The following VPS53 variants were observed in gnomAD, a reference collection of about 807,000 sequenced individuals.
VPS53 encodes VPS53 subunit of GARP complex, also known as vacuolar protein sorting-associated protein 53 homolog.
In VPS53, 70 loss-of-function variants were observed where a neutral mutation model predicts 107.0. That is an observed-to-expected ratio of 0.65 (90% CI 0.54 to 0.80). VPS53 has a LOEUF of 0.80. VPS53 is among the 30% of genes least tolerant of loss of function. The pLI is 0.00. For missense variants in VPS53, 917 were observed against 1,049.4 expected, an observed-to-expected ratio of 0.87 and a Z score of 1.74; for synonymous variants, 409 against 393.3, an observed-to-expected ratio of 1.04 and a Z score of -0.47.
chr17:669,449 T>A (rs566508371), intron 4 of VPS53, among the ~76,000 whole-genome samples: 1 of 152,082 alleles, frequency 6.6e-6, no homozygotes, highest in South Asian at 2.1e-4. Context: ...AAAAATTAGC[T>A]GTGTGTGCTA....
Position 524,578 on chromosome 17 carries a change from G to A in VPS53, c.2086-2840C>T, listed in dbSNP as rs1200126607. On this transcript the variant is annotated intron_variant, in intron 19 of 21. Transcript: ENST00000437048. The surrounding 1 kb of genome is among the most constrained non-coding windows in gnomAD (Gnocchi z 4.5). Reference sequence around the variant, plus strand: ...ACAACAGGCAAACAATACTAACACCGGATTCACAAAAGAGGAAACTCAAAT... The same window carrying A: ...ACAACAGGCAAACAATACTAACACCAGATTCACAAAAGAGGAAACTCAAAT... Among the ~76,000 whole-genome samples the A allele has an allele frequency of 1.3e-5, 2 of 152,104 alleles. No individual in the cohort carries two copies. Among genetic ancestry groups the A allele is most frequent in the African/African-American group, 2.4e-5 (1 of 41,410 alleles).
chr17:657,061 G>T, intron 5 of VPS53: 4 of 915,216 alleles, frequency 4.4e-6, no homozygotes, highest in Non-Finnish European at 7.4e-6. Context: ...TGCCAGTGTC[G>T]AACGTGATGA....
At position 514,640 on chromosome 17, in the gene VPS53, C is replaced by G. The variant is rs955280018; in HGVS notation, c.*4488G>C. The stretch of plus-strand genomic sequence containing the variant: ...TGCAGCATTTCCCCTGGCATTCTTT[C>G]AACAGGGAACCAGGTCTCCTCATCC... On this transcript the variant is annotated 3_prime_UTR_variant, in exon 22 of 22. Coordinates refer to ENST00000437048, the MANE Select transcript of VPS53 (RefSeq NM_001128159.3). 6.6e-6 allele frequency: 1 copy of G among 152,540 alleles called. No individual in the cohort carries two copies. The highest frequency in any genetic ancestry group is 6.5e-5 in the Admixed American group (1 of 15,290). The allele number at this position is 152,540 out of a possible 1,614,324, so 9.4% of individuals were successfully genotyped here. A position where few individuals can be genotyped will look rare whatever the true frequency, so the allele number is the denominator to read the frequency against.
intron 19 of VPS53, among the ~76,000 whole-genome samples, chr17:530,500 A>T (rs529771183): frequency 7.9e-5 from 12 of 152,266 alleles, no homozygotes; most frequent in African/African-American, 2.4e-4. Context: ...TTTTAGATTT[A>T]TTACTCATAA....
Position 669,772 on chromosome 17 carries a change from A to G in VPS53, c.286-7877T>C, listed in dbSNP as rs554823850. On this transcript the variant is annotated intron_variant, in intron 4 of 21. Coordinates refer to ENST00000437048, the MANE Select transcript of VPS53 (RefSeq NM_001128159.3). The stretch of plus-strand genomic sequence containing the variant: ...CTGGGTGTGGTGGCGCATGCCTGTA[A>G]TCCCAGCTACTCGGGAGGCTGAGGC... Among the ~76,000 whole-genome samples, 23 of 146,956 alleles carry G rather than the reference A, an allele frequency of 1.6e-4. No individual in the cohort carries two copies. The South Asian group carries it at 4.2e-3, about 27-fold the overall frequency.
At chr17:657,566 A>G in intron 5 of VPS53, 1 of 977,970 alleles carries the variant, frequency 1.0e-6, no homozygotes, top group South Asian at 1.3e-5. Context: ...TAGGCAAGGA[A>G]AAGAGGACCT....
intron 7 of VPS53, among the ~76,000 whole-genome samples, chr17:648,086 G>C (rs550981467): frequency 6.6e-6 from 1 of 152,330 alleles, no homozygotes; most frequent in East Asian, 1.9e-4. Context: ...TCCAAGCCTA[G>C]GAGATCAGCT....
At chr17:682,125 A>C (rs753832013) in intron 4 of VPS53, among the ~76,000 whole-genome samples, 9 of 152,220 alleles carry the variant, frequency 5.9e-5, no homozygotes, top group African/African-American at 2.2e-4. Context: ...ATAGAACAGA[A>C]CACTTTAAAC....
intron 7 of VPS53, 23 bp downstream of exon 7, chr17:653,268 C>A (rs200215211): frequency 1.9e-5 from 30 of 1,611,914 alleles, no homozygotes; most frequent in Non-Finnish European, 3.4e-6. Flanking sequence ...TCCCCATATA[C>A]TTTCCCTCTG....
chr17:536,804 G>C (rs1910107363), intron 18 of VPS53: 2 of 524,560 alleles, frequency 3.8e-6, no homozygotes, highest in African/African-American at 1.9e-5. Flanking sequence ...TCAGAGTCCG[G>C]GTGATAATGA....
intron 11 of VPS53, among the ~76,000 whole-genome samples, chr17:615,775 T>C (rs12450003): frequency 0.49 from 73,885 of 151,766 alleles, 19,711 homozygotes; most frequent in Non-Finnish European, 0.59. Context: ...GGGGAAGGGG[T>C]CAGGGGCCAG....
At chr17:560,640 A>C in intron 14 of VPS53, 67 bp from the exon 15 acceptor site, 1 of 1,562,888 alleles carries the variant, frequency 6.4e-7, no homozygotes, top group Non-Finnish European at 8.7e-7. Flanking sequence ...TGGAAACTAC[A>C]TTATTTTAAG....
At chr17:700,609 T>G (rs921410167) in intron 2 of VPS53, among the ~76,000 whole-genome samples, 1 of 152,204 alleles carries the variant, frequency 6.6e-6, no homozygotes, top group African/African-American at 2.4e-5. Flanking sequence ...TATGCACTAC[T>G]ACTGTGATTA....
chr17:647,158 T>A (rs1970745594), intron 7 of VPS53, among the ~76,000 whole-genome samples: 2 of 152,178 alleles, frequency 1.3e-5, no homozygotes, highest in South Asian at 4.1e-4. Context: ...GTTGGTAAGA[T>A]CCCACCCATT....
In VPS53 at chr17:697,400, G is replaced by C; in HGVS notation, c.285+18C>G. ...AAACCAGGGGAGCATAGGTAATATG[G>C]AGGAATGAGTTACTTACTTGCCGTC... On this transcript the variant is annotated intron_variant, in intron 4 of 21. Coordinates refer to ENST00000437048, the MANE Select transcript of VPS53 (RefSeq NM_001128159.3). 1.2e-6 allele frequency: 2 copies of C among 1,608,486 alleles called. No individual in the cohort carries two copies. Among genetic ancestry groups the C allele is most frequent in the African/African-American group, 1.3e-5 (1 of 74,926 alleles).
rs1360763801 is a variant in VPS53 at position 562,685 on chromosome 17, C to A, written c.1374G>T (p.Lys458Asn). ...VADFKAQGPP[K>N]PNTDEGGAVL... ...CGGCACCCCCTTCATCAGTGTTGGG[C>A]TTAGGTGGCCCCTGGGCTTTGAAAT... The change falls in exon 14 of 22, where the codon AAG (lysine) becomes AAT (asparagine). Residue 458 changes from lysine (K) to asparagine (N), a missense_variant. Lys to Asn is a moderately conservative substitution (Grantham distance 94). Transcript: ENST00000437048. The A allele has an allele frequency of 6.2e-7, 1 of 1,613,618 alleles. No homozygotes were observed. Among genetic ancestry groups the A allele is most frequent in the South Asian group, 1.1e-5 (1 of 91,058 alleles).
chr17:584,724 A>G (rs746973195), intron 13 of VPS53, among the ~76,000 whole-genome samples: 1 of 152,098 alleles, frequency 6.6e-6, no homozygotes, highest in Non-Finnish European at 1.5e-5. Context: ...ATGAGGTTTC[A>G]GCATGTTGCC....
chr17:662,765 GAAAGAAAGAGAAAGAAAGAAAA>G (rs1342813116), intron 4 of VPS53, among the ~76,000 whole-genome samples: 3 of 131,954 alleles, frequency 2.3e-5, no homozygotes, highest in African/African-American at 8.4e-5. Flanking sequence ...AAGAAAGAAA[GAAAGAAAGAGAAAGAAAGAAAA>G]AAAGAAAGAG....
intron 17 of VPS53, among the ~76,000 whole-genome samples, chr17:545,033 A>G (rs1911073415): frequency 6.6e-6 from 1 of 152,158 alleles, no homozygotes; most frequent in East Asian, 1.9e-4. Context: ...GTAAGCTATG[A>G]TTATGCCACC....
Sources: gnomAD v4.1 joint callset for allele counts (sites outside exome capture counted in the v4.1 genomes callset) on GRCh38, gnomAD v4.1.1 for gene constraint, Gnocchi (gnomAD v3.1) non-coding constraint, MANE v1.5 for transcripts, NCBI Gene and HGNC (gene_info 2026-07-23, HGNC 2026-07-21) for gene names.